GOSR2: variants seen among roughly 807,000 people sequenced by gnomAD.
GOSR2 encodes 27 kDa Golgi SNARE protein.
Under a neutral mutation model 27.9 loss-of-function variants are expected in GOSR2, and 20 were observed. The observed-to-expected ratio is 0.72, with a 90% CI of 0.50 to 1.04. GOSR2 has a LOEUF of 1.04. GOSR2 is among the 50% of genes least tolerant of loss of function. GOSR2 has a pLI of 0.00. For synonymous variants in GOSR2, 91 were observed against 98.8 expected (o/e 0.92, Z 0.47); for missense variants, 261 against 270.5 (o/e 0.97, Z 0.25).
downstream of GOSR2, among the ~76,000 whole-genome samples, chr17:46,943,858 A>G (rs1010668789): frequency 1.3e-5 from 2 of 152,190 alleles, no homozygotes; most frequent in African/African-American, 4.8e-5. Context: ...AGAGTGACCA[A>G]CTTGTCTGGG....
In GOSR2 at chr17:46,931,086, CT is replaced by C. The variant is rs772650507; in HGVS notation, c.95-7del. ...TCTTTTCCAGCAATTATTCTTTTTT[CT>C]TTTTTGTACAGTAGTAGAAAACGAA... On this transcript the variant is annotated splice_polypyrimidine_tract_variant and intron_variant, in intron 2 of 5. Coordinates refer to ENST00000640051, the MANE Select transcript of GOSR2 (RefSeq NM_004287.5). 7 of 1,359,376 alleles carry C rather than the reference CT, an allele frequency of 5.1e-6. No individual in the cohort carries two copies. Among genetic ancestry groups the C allele is most frequent in the African/African-American group, 1.4e-5 (1 of 69,908 alleles). 84.2% of individuals were successfully genotyped at this position (1,359,376 alleles called of 1,614,324 possible).
chr17:46,925,247 G>A (rs1194365700), intron 1 of GOSR2, among the ~76,000 whole-genome samples: 4 of 152,224 alleles, frequency 2.6e-5, no homozygotes, highest in Non-Finnish European at 5.9e-5. Context: ...ACTAATTGAT[G>A]TACCTGTGTT....
downstream of GOSR2, among the ~76,000 whole-genome samples, chr17:46,945,608 T>C (rs1269589713): frequency 6.6e-6 from 1 of 152,144 alleles, no homozygotes; most frequent in Non-Finnish European, 1.5e-5. Flanking sequence ...GCGTGGGCTA[T>C]GCAGAAGGGA....
chr17:46,932,279 GTTT>G, intron 4 of GOSR2, 80 bp downstream of exon 4: 1 of 1,540,110 alleles, frequency 6.5e-7, no homozygotes, highest in Non-Finnish European at 9.0e-7. Context: ...AGCGCCATCT[GTTT>G]TGGGGGTGTC....
chr17:46,974,536 C>T (rs1043039255), intron 6 of GOSR2, among the ~76,000 whole-genome samples: 2 of 152,144 alleles, frequency 1.3e-5, no homozygotes, highest in Non-Finnish European at 2.9e-5. Context: ...AGATCGAGAG[C>T]ATCCTGGCTA....
downstream of GOSR2, among the ~76,000 whole-genome samples, chr17:46,942,240 C>CG (rs1568191203): frequency 2.6e-5 from 4 of 152,294 alleles, no homozygotes; most frequent in South Asian, 8.3e-4. Context: ...CTGTCTCAAC[C>CG]GGGGGGTGAC....
chr17:46,931,498 G>A lies in GOSR2; in HGVS notation c.203+291G>A. 3 of 463,588 alleles carry A rather than the reference G, an allele frequency of 6.5e-6. No homozygotes were observed. The South Asian group carries it at 7.7e-5, about 12-fold the overall frequency. 28.7% of individuals were successfully genotyped at this position (463,588 alleles called of 1,614,324 possible). A position where few individuals can be genotyped will look rare whatever the true frequency, so the allele number is the denominator to read the frequency against. ...TTGACTAGATCCATAGCCACCTGAAGCCTAATGTTGCCATGGAGTTTTGTT... is the reference window on the plus strand; with the variant it reads ...TTGACTAGATCCATAGCCACCTGAAACCTAATGTTGCCATGGAGTTTTGTT... On this transcript the variant is annotated intron_variant, in intron 3 of 5. Transcript: ENST00000640051.
At position 46,940,335 on chromosome 17, in the gene GOSR2, C is replaced by T; in HGVS notation, c.*1575C>T. ...CCAAGGAAGGAGCAATCTGTGACTC[C>T]TAAAATGGGTTGGGGCCCTGCCAGA... On this transcript the variant is annotated 3_prime_UTR_variant, in exon 6 of 6. Coordinates refer to ENST00000640051, the MANE Select transcript of GOSR2 (RefSeq NM_004287.5). The T allele has an allele frequency of 6.8e-7, 1 of 1,463,634 alleles. No individual in the cohort carries two copies. The highest frequency in any genetic ancestry group is 1.4e-5 in the South Asian group (1 of 72,266). The allele number at this position is 1,463,634 out of a possible 1,614,324, so 90.7% of individuals were successfully genotyped here.
downstream of GOSR2, among the ~76,000 whole-genome samples, chr17:46,946,282 CAAA>C (rs58163051): frequency 3.2e-5 from 4 of 126,680 alleles, no homozygotes; most frequent in African/African-American, 6.3e-5. Context: ...CTAAAAATAC[CAAA>C]AAAAAAAAAA....
chr17:46,940,547 T>A lies in GOSR2; in HGVS notation c.*1787T>A. The A allele has an allele frequency of 6.2e-7, 1 of 1,614,048 alleles. No individual in the cohort carries two copies. The highest frequency in any genetic ancestry group is 8.5e-7 in the Non-Finnish European group (1 of 1,179,990). ...AGACTGCGACGGCAAGGCTGTCCTG[T>A]CCCCCAGGCACCCAAGGATCCTGCC... On this transcript the variant is annotated 3_prime_UTR_variant, in exon 6 of 6. Coordinates refer to ENST00000640051, the MANE Select transcript of GOSR2 (RefSeq NM_004287.5).
At chr17:46,925,468 C>A (rs1163262662) in intron 1 of GOSR2, among the ~76,000 whole-genome samples, 3 of 152,218 alleles carry the variant, frequency 2.0e-5, no homozygotes, top group Non-Finnish European at 4.4e-5. Flanking sequence ...CTTTCCTCTC[C>A]AGTGCTGAAC....
intron 4 of GOSR2, among the ~76,000 whole-genome samples, chr17:46,933,875 A>G (rs2087806553): frequency 6.6e-6 from 1 of 151,574 alleles, no homozygotes; most frequent in African/African-American, 2.4e-5. Flanking sequence ...CTGAGGTGAG[A>G]AGATCACTTA....
At chr17:46,927,952 C>T (rs2086734299) in intron 1 of GOSR2, among the ~76,000 whole-genome samples, 1 of 152,108 alleles carries the variant, frequency 6.6e-6, no homozygotes, top group South Asian at 2.1e-4. Flanking sequence ...TCAGGACTTC[C>T]TTAGAGTCCT....
intron 1 of GOSR2, chr17:46,923,447 G>C (rs2085999990): frequency 7.1e-7 from 1 of 1,413,392 alleles, no homozygotes; most frequent in African/African-American, 1.4e-5. Flanking sequence ...ATGACTCCTG[G>C]GGTCTGCAAG....
chr17:46,936,432 G>T, intron 5 of GOSR2: 3 of 985,396 alleles, frequency 3.0e-6, no homozygotes, highest in Non-Finnish European at 3.6e-6. Context: ...AGGCTGTGAG[G>T]TGGCTGGGGG....
intron 6 of GOSR2, among the ~76,000 whole-genome samples, chr17:46,961,307 G>A (rs182057843): frequency 1.3e-4 from 20 of 152,276 alleles, no homozygotes; most frequent in African/African-American, 4.6e-4. Context: ...GGAGGCTGAG[G>A]CAGGAGGATC....
Position 46,940,213 on chromosome 17 carries a change from A to G in GOSR2, c.*1453A>G, listed in dbSNP as rs1313390193. On this transcript the variant is annotated 3_prime_UTR_variant, in exon 6 of 6. Coordinates refer to ENST00000640051, the MANE Select transcript of GOSR2 (RefSeq NM_004287.5). Reference sequence around the variant, plus strand: ...CCTTTGGTAAGTTTTCTTAATTGTCATAGATTAACTGAGTTTCCTGGATGC... The same window carrying G: ...CCTTTGGTAAGTTTTCTTAATTGTCGTAGATTAACTGAGTTTCCTGGATGC... 3 of 1,411,580 alleles carry G rather than the reference A, an allele frequency of 2.1e-6. No individual in the cohort carries two copies. The highest frequency in any genetic ancestry group is 2.8e-6 in the Non-Finnish European group (3 of 1,086,440). 87.4% of individuals were successfully genotyped at this position (1,411,580 alleles called of 1,614,324 possible).
At chr17:46,947,256 C>T (rs2089979468) in intron 6 of GOSR2, among the ~76,000 whole-genome samples, 1 of 152,174 alleles carries the variant, frequency 6.6e-6, no homozygotes. Context: ...GCAGGGCAGC[C>T]TCCTCTTTGG....
chr17:46,962,802 A>G (rs117197443), intron 6 of GOSR2, among the ~76,000 whole-genome samples: 3,848 of 152,348 alleles, frequency 0.025, 69 homozygotes, highest in Middle Eastern at 0.089. Flanking sequence ...ATCATGAAAG[A>G]TAATGAAGTG....
Sources: allele counts gnomAD v4.1 joint callset (sites outside exome capture counted in the v4.1 genomes callset), GRCh38; gene constraint gnomAD v4.1.1; transcripts MANE v1.5; gene names NCBI Gene and HGNC (gene_info 2026-07-23, HGNC 2026-07-21).